The following FBXO33 variants were observed in gnomAD, a reference collection of about 807,000 sequenced individuals.
FBXO33 encodes the protein F-box only protein 33.
A neutral mutation model predicts 46.3 loss-of-function variants in FBXO33; 22 were observed. The observed-to-expected ratio is 0.48, with a 90% CI of 0.34 to 0.68. The LOEUF (loss-of-function observed/expected upper bound fraction) is 0.68. Ranked by LOEUF, FBXO33 falls within the 30% of genes least tolerant of loss-of-function variation. The pLI, the probability that FBXO33 is intolerant of heterozygous loss-of-function variation, is 0.01. For missense variants in FBXO33, 692 were observed against 708.8 expected, an observed-to-expected ratio of 0.98 and a Z score of 0.27; for synonymous variants, 337 against 291.3, an observed-to-expected ratio of 1.16 and a Z score of -1.60.
At chr14:39,416,004 A>G (rs2075446937) in intron 1 of FBXO33, among the ~76,000 whole-genome samples, 1 of 152,190 alleles carries the variant, frequency 6.6e-6, no homozygotes, top group Middle Eastern at 3.2e-3. Context: ...TCAGAGTTAC[A>G]GTGATTTATT....
At chr14:39,425,817 A>C (rs1175537204) in intron 1 of FBXO33, among the ~76,000 whole-genome samples, 1 of 152,242 alleles carries the variant, frequency 6.6e-6, no homozygotes, top group African/African-American at 2.4e-5. Context: ...AAATGTGGCT[A>C]GTGGAACTAA....
rs572726824 is a variant in FBXO33 at position 39,419,516 on chromosome 14, C to T, written c.599+12048G>A. ...TGAGAAGAACATCTAGGCAGCAACACTGGAACAGAACCTACTGGGCTGTGG... is the reference window on the plus strand; with the variant it reads ...TGAGAAGAACATCTAGGCAGCAACATTGGAACAGAACCTACTGGGCTGTGG... On this transcript the variant is annotated intron_variant, in intron 1 of 3. Coordinates refer to ENST00000298097, the MANE Select transcript of FBXO33 (RefSeq NM_203301.4). Among the ~76,000 whole-genome samples the T allele has an allele frequency of 3.3e-5, 5 of 152,256 alleles. No individual in the cohort carries two copies. In the East Asian group the frequency reaches 7.7e-4, roughly 24 times the overall value.
At chr14:39,426,043 C>T (rs1416711228) in intron 1 of FBXO33, among the ~76,000 whole-genome samples, 1 of 152,054 alleles carries the variant, frequency 6.6e-6, no homozygotes, top group African/African-American at 2.4e-5. Flanking sequence ...ACTACCATCC[C>T]CAAATCCCGA....
rs1365419766 is a variant in FBXO33, at chr14:39,401,736, G to C, written c.836C>G (p.Thr279Ser). Residue 279 changes from threonine to serine, a missense_variant, in exon 3 of 4, where the codon ACC becomes AGC. By Grantham distance (58) the Thr-to-Ser change is moderately conservative (BLOSUM62 1). Around this residue, in one of 3 missense-constraint regions of FBXO33, gnomAD observed 412 missense variants for 370.8 expected, o/e 1.11. Coordinates refer to ENST00000298097, the MANE Select transcript of FBXO33 (RefSeq NM_203301.4). ...GTCCAGTAAACTGAGGTGCTCCATGGTGTTGGCAACAGCATTAGAGAGAGA... is the reference window on the plus strand; with the variant it reads ...GTCCAGTAAACTGAGGTGCTCCATGCTGTTGGCAACAGCATTAGAGAGAGA... Reference protein sequence around the residue: ...LSSLSNAVANTMEHLSLLDNN... With the variant: ...LSSLSNAVANSMEHLSLLDNN... 2 of 1,614,188 alleles carry C rather than the reference G, an allele frequency of 1.2e-6. No individual in the cohort carries two copies.
At chr14:39,422,768 T>C (rs2075491456) in intron 1 of FBXO33, among the ~76,000 whole-genome samples, 1 of 152,212 alleles carries the variant, frequency 6.6e-6, no homozygotes, top group South Asian at 2.1e-4. Flanking sequence ...CAAAAATCTC[T>C]ACCCATAAAG....
chr14:39,414,319 G>C (rs564013524), intron 1 of FBXO33, among the ~76,000 whole-genome samples: 2 of 152,216 alleles, frequency 1.3e-5, no homozygotes, highest in East Asian at 3.9e-4. Flanking sequence ...AAGAGCATTA[G>C]AGCCTTGCTC....
intron 1 of FBXO33, among the ~76,000 whole-genome samples, chr14:39,420,407 C>G (rs772606348): frequency 6.6e-6 from 1 of 152,078 alleles, no homozygotes; most frequent in East Asian, 1.9e-4. Context: ...CAGAAGAAAG[C>G]GGCTGGGCGC....
chr14:39,404,327 CT>C (rs980359411), intron 1 of FBXO33, among the ~76,000 whole-genome samples: 1 of 151,060 alleles, frequency 6.6e-6, no homozygotes, highest in Admixed American at 6.6e-5. Context: ...TTAAATGGAT[CT>C]TTTTTTTTGT....
At chr14:39,409,983 G>A (rs1319474553) in intron 1 of FBXO33, among the ~76,000 whole-genome samples, 6 of 152,044 alleles carry the variant, frequency 3.9e-5, no homozygotes, top group Admixed American at 6.6e-5. Flanking sequence ...GTCATCTGCA[G>A]ACAATTTTAG....
At chr14:39,420,394 G>A (rs899702962) in intron 1 of FBXO33, among the ~76,000 whole-genome samples, 2 of 152,186 alleles carry the variant, frequency 1.3e-5, no homozygotes, top group Admixed American at 6.5e-5. Context: ...AAATACTTCA[G>A]TGCAGAAGAA....
chr14:39,424,762 A>G (rs1287549272), intron 1 of FBXO33, among the ~76,000 whole-genome samples: 1 of 152,218 alleles, frequency 6.6e-6, no homozygotes, highest in Non-Finnish European at 1.5e-5. Flanking sequence ...CAACTTAAGT[A>G]TGTATGTTAA....
At chr14:39,431,522 A>AC (rs1279905403) in intron 1 of FBXO33, 42 bp downstream of exon 1, 3 of 1,603,666 alleles carry the variant, frequency 1.9e-6, no homozygotes, top group Admixed American at 1.7e-5. Context: ...GGACGGAGCG[A>AC]CCCCCCGTTA....
chr14:39,418,438 T>G (rs1007093474), intron 1 of FBXO33, among the ~76,000 whole-genome samples: 6 of 151,794 alleles, frequency 4.0e-5, no homozygotes, highest in African/African-American at 1.5e-4. Flanking sequence ...TACATAGCCT[T>G]TAAGTTCATA....
At chr14:39,413,299 T>C (rs184376816) in intron 1 of FBXO33, among the ~76,000 whole-genome samples, 21 of 152,368 alleles carry the variant, frequency 1.4e-4, no homozygotes, top group Admixed American at 8.5e-4. Context: ...CAACTTCTCA[T>C]GCATTCCAGT....
At chr14:39,414,599 G>A (rs943623505) in intron 1 of FBXO33, among the ~76,000 whole-genome samples, 13 of 152,176 alleles carry the variant, frequency 8.5e-5, no homozygotes, top group Non-Finnish European at 1.5e-4. Context: ...AGTGAGAGAC[G>A]TGGGACTCTT....
At position 39,432,233 on chromosome 14, in the gene FBXO33, G is replaced by A. The variant is rs1263115432; in HGVS notation, c.-71C>T. 7.8e-6 allele frequency: 9 copies of A among 1,146,980 alleles called. No homozygotes were observed. The highest frequency in any genetic ancestry group is 9.7e-6 in the Non-Finnish European group (9 of 926,748). 71.1% of individuals were successfully genotyped at this position (1,146,980 alleles called of 1,614,324 possible). On this transcript the variant is annotated 5_prime_UTR_variant, in exon 1 of 4. Coordinates refer to ENST00000298097, the MANE Select transcript of FBXO33 (RefSeq NM_203301.4). ...AACCAAGTAGAACACAAGTTGTGGA[G>A]AGGGGGAAAGGCCTCTGCGGGCGTG... is the stretch of plus-strand genomic sequence containing the variant.
chr14:39,404,860 A>T (rs1330082836), intron 1 of FBXO33, among the ~76,000 whole-genome samples: 1 of 151,870 alleles, frequency 6.6e-6, no homozygotes, highest in Non-Finnish European at 1.5e-5. Flanking sequence ...ATTTTAAGAA[A>T]AGAATAGGCT....
At chr14:39,409,493 T>C (rs2075413166) in intron 1 of FBXO33, among the ~76,000 whole-genome samples, 1 of 152,246 alleles carries the variant, frequency 6.6e-6, no homozygotes, top group Non-Finnish European at 1.5e-5. Context: ...CTTTGTAATA[T>C]ATTTTGAAAT....
intron 1 of FBXO33, among the ~76,000 whole-genome samples, chr14:39,418,920 T>C: frequency 6.6e-6 from 1 of 152,194 alleles, no homozygotes; most frequent in East Asian, 1.9e-4. Flanking sequence ...CAAAGGGAAC[T>C]GAACAAAAAT....
Sources: gnomAD v4.1 joint callset for allele counts (sites outside exome capture counted in the v4.1 genomes callset) on GRCh38, gnomAD v4.1.1 for gene constraint, gnomAD v4.1.1 regional missense constraint, MANE v1.5 for transcripts, NCBI Gene and HGNC (gene_info 2026-07-23, HGNC 2026-07-21) for gene names.